The following LIN7A variants were observed in gnomAD, a reference collection of about 807,000 sequenced individuals.
The protein encoded by LIN7A is protein lin-7 homolog A.
LIN7A carries 25 observed loss-of-function variants against 29.8 expected under a neutral mutation model. The ratio of observed to expected loss-of-function variants is 0.84; its 90% CI spans 0.61 to 1.17. LIN7A has a LOEUF of 1.17. LIN7A is among the 50% of genes most tolerant of loss of function. LIN7A has a pLI of 0.00. For missense variants in LIN7A, 239 were observed against 287.0 expected (o/e 0.83, Z 1.21); for synonymous variants, 118 against 107.5 (o/e 1.10, Z -0.60).
intron 2 of LIN7A, among the ~76,000 whole-genome samples, chr12:80,857,495 T>C (rs1018847367): frequency 1.3e-5 from 2 of 152,148 alleles, no homozygotes; most frequent in Admixed American, 1.3e-4. Flanking sequence ...ACCTCATGTC[T>C]ACTTCTTACA....
chr12:80,902,210 T>C (rs1876249312), intron 1 of LIN7A, among the ~76,000 whole-genome samples: 1 of 128,652 alleles, frequency 7.8e-6, no homozygotes, highest in Admixed American at 9.3e-5. Context: ...GTTCCATTGG[T>C]CTATGTGTTT....
At chr12:80,821,626 G>A (rs954359761) in intron 4 of LIN7A, among the ~76,000 whole-genome samples, 9 of 152,194 alleles carry the variant, frequency 5.9e-5, no homozygotes, top group Admixed American at 4.6e-4. Context: ...TGGACACTGC[G>A]AAGACACCAG....
intron 2 of LIN7A, among the ~76,000 whole-genome samples, chr12:80,884,046 TAATG>T (rs1273685859): frequency 6.6e-6 from 1 of 152,162 alleles, no homozygotes; most frequent in East Asian, 1.9e-4. Context: ...ATAAAGATAA[TAATG>T]AAAGTAGGAG....
chr12:80,809,902 A>ATT (rs1288003255), intron 5 of LIN7A, among the ~76,000 whole-genome samples: 5 of 152,170 alleles, frequency 3.3e-5, no homozygotes, highest in African/African-American at 1.2e-4. Context: ...ACAAGTAATA[A>ATT]TTTTATATAT....
In LIN7A at chr12:80,846,793, C is replaced by G. The variant is rs1873097355; in HGVS notation, c.274-854G>C. Among the ~76,000 whole-genome samples, 2 of 152,140 alleles carry G rather than the reference C, an allele frequency of 1.3e-5. 1 individual carries two copies. The highest frequency in any genetic ancestry group is 2.9e-5 in the Non-Finnish European group (2 of 68,006). ...TAAATGAGTTCAAGAAAACAACTTA[C>G]CATTAGTTCCCACTAACCCCATAGA... On this transcript the variant is annotated intron_variant, in intron 3 of 5. Coordinates refer to ENST00000552864, the MANE Select transcript of LIN7A (RefSeq NM_004664.4).
chr12:80,937,752 A>G lies in LIN7A; in HGVS notation c.-30T>C. 1 of 545,322 alleles carries G rather than the reference A, an allele frequency of 1.8e-6. No homozygotes were observed. The highest frequency in any genetic ancestry group is 3.5e-5 in the South Asian group (1 of 28,920). 33.8% of individuals were successfully genotyped at this position (545,322 alleles called of 1,614,324 possible). A position where few individuals can be genotyped will look rare whatever the true frequency, so the allele number is the denominator to read the frequency against. On this transcript the variant is annotated 5_prime_UTR_variant, in exon 1 of 6. Coordinates refer to ENST00000552864, the MANE Select transcript of LIN7A (RefSeq NM_004664.4). ...AACCGCTCGTAGTGAGAAAAAAAGG[A>G]GGAGATTGGGGGCGGGGGTGGAGAG...
intron 5 of LIN7A, among the ~76,000 whole-genome samples, chr12:80,798,820 C>T (rs1229207995): frequency 1.3e-5 from 2 of 150,008 alleles, no homozygotes; most frequent in East Asian, 3.9e-4. Flanking sequence ...TAAATCTTCA[C>T]TTCCCAGACT....
intron 4 of LIN7A, among the ~76,000 whole-genome samples, chr12:80,836,714 A>G (rs910502626): frequency 1.3e-5 from 2 of 152,040 alleles, no homozygotes; most frequent in Non-Finnish European, 2.9e-5. Flanking sequence ...CTCTTGTTCC[A>G]TTACATGGCT....
chr12:80,843,089 T>C (rs1402746888), intron 4 of LIN7A, among the ~76,000 whole-genome samples: 1 of 152,150 alleles, frequency 6.6e-6, no homozygotes, highest in Non-Finnish European at 1.5e-5. Context: ...ATGGATTTTC[T>C]TTGGTGAAAT....
rs149031639 is a variant in LIN7A at position 80,850,471 on chromosome 12, G to A, written c.202-2149C>T. The stretch of plus-strand genomic sequence containing the variant: ...TGGGGAAAATCTCCTAAGATGAGCA[G>A]TTCGTGAACACTGTTTACATAGAAT... On this transcript the variant is annotated intron_variant, in intron 2 of 5. Transcript: ENST00000552864. Among the ~76,000 whole-genome samples the A allele has an allele frequency of 3.3e-5, 5 of 152,266 alleles. No homozygotes were observed. In the East Asian group the frequency reaches 9.6e-4, roughly 29 times the overall value.
intron 2 of LIN7A, among the ~76,000 whole-genome samples, chr12:80,873,895 G>A (rs1295999827): frequency 4.0e-5 from 6 of 150,196 alleles, no homozygotes; most frequent in Non-Finnish European, 7.4e-5. Context: ...CACTGGGAAA[G>A]ATGCCTCTTA....
intron 1 of LIN7A, among the ~76,000 whole-genome samples, chr12:80,897,427 T>C (rs189020616): frequency 1.3e-5 from 2 of 152,338 alleles, no homozygotes; most frequent in Non-Finnish European, 2.9e-5. Flanking sequence ...AACAATCTAC[T>C]GCCTGCCCTT....
intron 1 of LIN7A, among the ~76,000 whole-genome samples, chr12:80,923,854 C>T (rs141395356): frequency 4.3e-4 from 66 of 152,250 alleles, no homozygotes; most frequent in African/African-American, 1.6e-3. Context: ...CCTCTTTATG[C>T]CTCAATTCTC....
intron 1 of LIN7A, among the ~76,000 whole-genome samples, chr12:80,921,553 T>C (rs983325133): frequency 4.1e-5 from 6 of 147,964 alleles, no homozygotes; most frequent in African/African-American, 1.5e-4. Context: ...CACAAAGGCG[T>C]TGGGGAGGGT....
intron 5 of LIN7A, among the ~76,000 whole-genome samples, chr12:80,808,978 ATTT>A (rs34489397): frequency 7.5e-4 from 108 of 144,886 alleles, no homozygotes; most frequent in East Asian, 2.0e-3. Context: ...TCTTCTTTTC[ATTT>A]TTTTTTTTTT....
At chr12:80,830,590 A>G (rs540247109) in intron 4 of LIN7A, among the ~76,000 whole-genome samples, 1 of 152,318 alleles carries the variant, frequency 6.6e-6, no homozygotes, top group African/African-American at 2.4e-5. Context: ...TTTTAACACA[A>G]TGGCACATAT....
intron 2 of LIN7A, among the ~76,000 whole-genome samples, chr12:80,864,271 C>T (rs1314494753): frequency 6.6e-6 from 1 of 151,756 alleles, no homozygotes; most frequent in African/African-American, 2.4e-5. Flanking sequence ...TAACCATCTC[C>T]ACTTCACTTG....
chr12:80,899,021 G>T (rs917485701), intron 1 of LIN7A, among the ~76,000 whole-genome samples: 3 of 151,998 alleles, frequency 2.0e-5, no homozygotes, highest in Non-Finnish European at 4.4e-5. Context: ...GTACTATGTC[G>T]AGTAGGAGTG....
chr12:80,848,115 G>T (rs749713314), intron 3 of LIN7A, 136 bp downstream of exon 3: 5 of 721,084 alleles, frequency 6.9e-6, no homozygotes, highest in South Asian at 5.9e-5. Flanking sequence ...AGTAGTACTG[G>T]TTCTAGACTC....
Sources: gnomAD v4.1 joint callset for allele counts (sites outside exome capture counted in the v4.1 genomes callset) on GRCh38, gnomAD v4.1.1 for gene constraint, MANE v1.5 for transcripts, NCBI Gene and HGNC (gene_info 2026-07-23, HGNC 2026-07-21) for gene names.